MYO7B: variants seen among roughly 807,000 people sequenced by gnomAD.
MYO7B encodes unconventional myosin-VIIb.
In MYO7B, 212 loss-of-function variants were observed where a neutral mutation model predicts 259.7. The observed-to-expected ratio is 0.82, with a 90% confidence interval of 0.73 to 0.91. MYO7B has a LOEUF of 0.91. Among genes scored for constraint, MYO7B ranks in the 40% least tolerant of loss-of-function variants. The pLI is 0.00. For missense variants in MYO7B, 2,732 were observed against 2,813.5 expected, an observed-to-expected ratio of 0.97 and a Z score of 0.66; for synonymous variants, 1,197 against 1,166.4, an observed-to-expected ratio of 1.03 and a Z score of -0.54.
At chr2:127,560,873 C>T (rs543784141) in intron 2 of MYO7B, among the ~76,000 whole-genome samples, 1 of 152,298 alleles carries the variant, frequency 6.6e-6, no homozygotes, top group African/African-American at 2.4e-5. Context: ...CACTACGCAG[C>T]GGCCCCTGGT....
rs201359831 is a variant in MYO7B, at chr2:127,622,040, G to A, written c.3584G>A (p.Arg1195His). 5,089 of 1,551,740 alleles carry A rather than the reference G, an allele frequency of 3.3e-3. 9 individuals are homozygous for A. Among genetic ancestry groups the A allele is most frequent in the Non-Finnish European group, 4.1e-3 (4,648 of 1,146,986 alleles). The change falls in exon 28 of 48, where the codon CGC (arginine) becomes CAC (histidine). Residue 1195 changes from arginine to histidine, a missense_variant. Arg to His is a conservative substitution (Grantham distance 29). Transcript: ENST00000409816. Reference sequence around the variant, plus strand: ...ACCTACGGCCCCTTCTGTGCCGAGCGCCTGAGACGCACCTATGCCAATGGG... The same window carrying A: ...ACCTACGGCCCCTTCTGTGCCGAGCACCTGAGACGCACCTATGCCAATGGG... Reference protein sequence around the residue: ...PATYGPFCAERLRRTYANGVR... With the variant: ...PATYGPFCAEHLRRTYANGVR...
At chr2:127,565,624 T>C (rs1265286391) in intron 4 of MYO7B, among the ~76,000 whole-genome samples, 1 of 152,250 alleles carries the variant, frequency 6.6e-6, no homozygotes, top group Non-Finnish European at 1.5e-5. Context: ...GCACAGTCTC[T>C]GCTCAGTGAG....
chr2:127,550,573 C>T (rs1693408919), intron 1 of MYO7B, among the ~76,000 whole-genome samples: 1 of 147,356 alleles, frequency 6.8e-6, no homozygotes, highest in East Asian at 2.0e-4. Flanking sequence ...AAAAAAAAAG[C>T]TCTAGGAGGA....
chr2:127,552,291 A>G, intron 1 of MYO7B, among the ~76,000 whole-genome samples: 1 of 152,148 alleles, frequency 6.6e-6, no homozygotes, highest in East Asian at 1.9e-4. Context: ...TTTCGTTCCA[A>G]AAAGATTTGA....
chr2:127,618,735 G>T (rs750221289), intron 26 of MYO7B, among the ~76,000 whole-genome samples: 5 of 152,232 alleles, frequency 3.3e-5, no homozygotes, highest in Admixed American at 6.5e-5. Flanking sequence ...GTTGGGGCAT[G>T]GAGCTTGGAT....
In MYO7B at chr2:127,582,318, C is replaced by T. The variant is rs542012665; in HGVS notation, c.1215C>T (p.His405=). The part of the protein sequence containing the change: ...RDAFVKGIYG[H]LFLWIVKKIN... Reference sequence around the variant, plus strand: ...TGTCTCTCCAGGGCATCTATGGGCACCTCTTCCTGTGGATTGTCAAGAAGA... The same window carrying T: ...TGTCTCTCCAGGGCATCTATGGGCATCTCTTCCTGTGGATTGTCAAGAAGA... The change falls in exon 12 of 48, where the codon CAC becomes CAT. Residue 405 remains histidine, a synonymous_variant. Transcript: ENST00000409816. The T allele has an allele frequency of 2.0e-5, 33 of 1,613,172 alleles. No homozygotes were observed. The African/African-American group carries it at 4.0e-4, about 20-fold the overall frequency.
rs1489893834 is a variant in MYO7B at position 127,585,334 on chromosome 2, T to C, written c.1690+421T>C. Among the ~76,000 whole-genome samples, 2 of 152,216 alleles carry C rather than the reference T, an allele frequency of 1.3e-5. No homozygotes were observed. Among genetic ancestry groups the C allele is most frequent in the Non-Finnish European group, 2.9e-5 (2 of 68,038 alleles). Reference sequence around the variant, plus strand: ...CTGACTTTTTGCATAAATGGAACCATATAATACGTGGTCTTCTGTGGCTGG... The same window carrying C: ...CTGACTTTTTGCATAAATGGAACCACATAATACGTGGTCTTCTGTGGCTGG... On this transcript the variant is annotated intron_variant, in intron 14 of 47. Coordinates refer to ENST00000409816, the MANE Select transcript of MYO7B (RefSeq NM_001393586.1). This position sits in a 1 kb window ranked among gnomAD's most constrained non-coding sequence, Gnocchi z 4.3.
intron 15 of MYO7B, 33 bp downstream of exon 15, chr2:127,588,588 C>T: frequency 6.2e-7 from 1 of 1,610,984 alleles, no homozygotes; most frequent in Non-Finnish European, 8.5e-7. Context: ...GGGTCTGTCA[C>T]CCCTGATGGC....
chr2:127,565,138 T>G (rs1573627270), intron 3 of MYO7B, 95 bp from the exon 4 acceptor site: 1 of 1,477,384 alleles, frequency 6.8e-7, no homozygotes, highest in East Asian at 2.4e-5. Flanking sequence ...ACCCGGAAGG[T>G]CACCTTGCTG....
In MYO7B at chr2:127,635,146, G is replaced by T; in HGVS notation, c.5740G>T (p.Val1914Leu). 1.2e-6 allele frequency: 2 copies of T among 1,613,444 alleles called. No individual in the cohort carries two copies. Among genetic ancestry groups the T allele is most frequent in the Non-Finnish European group, 1.7e-6 (2 of 1,179,720 alleles). ...GGCCCCCGTGACGCTCCCCTACCAGGTGTACTTCATGCGGAAATTGTGGCT... is the reference window on the plus strand; with the variant it reads ...GGCCCCCGTGACGCTCCCCTACCAGTTGTACTTCATGCGGAAATTGTGGCT... ...EGAPVTLPYQ[V>L]YFMRKLWLNI... The change falls in exon 43 of 48, where the codon GTG becomes TTG. Residue 1914 changes from valine (V) to leucine (L), a missense_variant. Physicochemically the swap from Val to Leu is conservative, Grantham distance 32. Coordinates refer to ENST00000409816, the MANE Select transcript of MYO7B (RefSeq NM_001393586.1).
In MYO7B at chr2:127,608,892, G is replaced by A. The variant is rs1228251393; in HGVS notation, c.2814+14G>A. On this transcript the variant is annotated intron_variant, in intron 22 of 47. Coordinates refer to ENST00000409816, the MANE Select transcript of MYO7B (RefSeq NM_001393586.1). ...CCGCACTTTGAGGTAACACAAGCCT[G>A]GTGTCCACAATCCGCCCCGGGTGGG... 6 of 1,607,780 alleles carry A rather than the reference G, an allele frequency of 3.7e-6. No homozygotes were observed. In the African/African-American group the frequency reaches 8.0e-5, roughly 21 times the overall value.
rs142700645 is a variant in MYO7B at position 127,582,535 on chromosome 2, G to A, written c.1343+89G>A. 44 of 1,475,272 alleles carry A rather than the reference G, an allele frequency of 3.0e-5. No homozygotes were observed. The East Asian group carries it at 4.6e-4, about 15-fold the overall frequency. 91.4% of individuals were successfully genotyped at this position (1,475,272 alleles called of 1,614,324 possible). ...GAAGGGGGCAAGTTGGAGGGGAGCCGTCACCCTGCACCCAGGCCTGGCGAG... is the reference window on the plus strand; with the variant it reads ...GAAGGGGGCAAGTTGGAGGGGAGCCATCACCCTGCACCCAGGCCTGGCGAG... On this transcript the variant is annotated intron_variant, in intron 12 of 47. Coordinates refer to ENST00000409816, the MANE Select transcript of MYO7B (RefSeq NM_001393586.1).
In MYO7B at chr2:127,635,109, C is replaced by T. The variant is rs1026799990; in HGVS notation, c.5714-11C>T. 13 of 1,606,412 alleles carry T rather than the reference C, an allele frequency of 8.1e-6. No individual in the cohort carries two copies. The highest frequency in any genetic ancestry group is 1.0e-5 in the Non-Finnish European group (12 of 1,176,388). ...GGACAGGCTTGGTGCCCACTGCTGGCCCTCGCCCAGGGGCCCCCGTGACGC... is the reference window on the plus strand; with the variant it reads ...GGACAGGCTTGGTGCCCACTGCTGGTCCTCGCCCAGGGGCCCCCGTGACGC... On this transcript the variant is annotated splice_polypyrimidine_tract_variant and intron_variant, in intron 42 of 47. Coordinates refer to ENST00000409816, the MANE Select transcript of MYO7B (RefSeq NM_001393586.1).
intron 1 of MYO7B, among the ~76,000 whole-genome samples, chr2:127,540,174 T>A (rs375938016): frequency 4.0e-4 from 61 of 151,950 alleles, no homozygotes; most frequent in African/African-American, 1.4e-3. Flanking sequence ...GTTTTATTTT[T>A]TTTTTTTGAG....
chr2:127,623,003 C>T (rs889171361), intron 28 of MYO7B, among the ~76,000 whole-genome samples, 199 bp from the exon 29 acceptor site: 4 of 152,198 alleles, frequency 2.6e-5, no homozygotes, highest in Non-Finnish European at 2.9e-5. Context: ...GTGCTTCCAG[C>T]GGCAAACACC....
At chr2:127,560,546 A>G (rs6733422) in intron 2 of MYO7B, among the ~76,000 whole-genome samples, 28,470 of 152,118 alleles carry the variant, frequency 0.19, 5,156 homozygotes, top group African/African-American at 0.47. Context: ...ATTTACTGTC[A>G]AATCAACAGA....
intron 39 of MYO7B, among the ~76,000 whole-genome samples, chr2:127,632,828 C>T (rs1466382313): frequency 3.9e-5 from 6 of 152,180 alleles, no homozygotes; most frequent in African/African-American, 1.4e-4. Flanking sequence ...CTGGCTTGGC[C>T]TCCTGTGGCC....
chr2:127,584,101 G>A lies in MYO7B; in HGVS notation c.1344-21G>A, dbSNP rs755608989. On this transcript the variant is annotated intron_variant, in intron 12 of 47. Coordinates refer to ENST00000409816, the MANE Select transcript of MYO7B (RefSeq NM_001393586.1). This position sits in a 1 kb window ranked among gnomAD's most constrained non-coding sequence, Gnocchi z 5.8. ...TCAGCTGGCCCCACTCCACCCCTGG[G>A]CAGTGACCTTGCCTCCACAGCTTCG... The A allele has an allele frequency of 2.5e-6, 4 of 1,603,430 alleles. No homozygotes were observed. Among genetic ancestry groups the A allele is most frequent in the Non-Finnish European group, 3.4e-6 (4 of 1,174,688 alleles).
At chr2:127,558,762 A>C (rs529283930) in intron 1 of MYO7B, among the ~76,000 whole-genome samples, 1 of 152,234 alleles carries the variant, frequency 6.6e-6, no homozygotes, top group East Asian at 1.9e-4. Context: ...GGGATTGTAG[A>C]CTCTTATTCT....
Sources: gnomAD v4.1 joint callset for allele counts (sites outside exome capture counted in the v4.1 genomes callset) on GRCh38, gnomAD v4.1.1 for gene constraint, Gnocchi (gnomAD v3.1) non-coding constraint, MANE v1.5 for transcripts, NCBI Gene and HGNC (gene_info 2026-07-23, HGNC 2026-07-21) for gene names.